Variants in AHCYL1 observed in about 807,000 individuals in gnomAD.
The protein encoded by AHCYL1 is adenosylhomocysteinase like 1, also known as S-adenosylhomocysteine hydrolase-like protein 1.
In AHCYL1, 20 loss-of-function variants were observed where a neutral mutation model predicts 79.3. That is an observed-to-expected ratio of 0.25 (90% CI 0.18 to 0.37). AHCYL1 has a LOEUF of 0.37. Among genes scored for constraint, AHCYL1 ranks in the 10% least tolerant of loss-of-function variants. The pLI, the probability that AHCYL1 is intolerant of heterozygous loss-of-function variation, is 1.00. For missense variants in AHCYL1, 330 were observed against 673.6 expected, an observed-to-expected ratio of 0.49 and a Z score of 5.65; for synonymous variants, 223 against 242.2, an observed-to-expected ratio of 0.92 and a Z score of 0.74.
At chr1:109,989,156 T>C (rs1649622728) in intron 1 of AHCYL1, among the ~76,000 whole-genome samples, 1 of 152,196 alleles carries the variant, frequency 6.6e-6, no homozygotes, top group African/African-American at 2.4e-5. Context: ...ATTGATTACA[T>C]CTCTTTTTCT....
chr1:109,987,906 T>C (rs1464653112), intron 1 of AHCYL1, among the ~76,000 whole-genome samples: 2 of 152,052 alleles, frequency 1.3e-5, no homozygotes, highest in East Asian at 3.9e-4. Flanking sequence ...TTGGAACAGG[T>C]GGAGATAGGG....
chr1:109,998,674 C>T (rs536227199), intron 1 of AHCYL1, among the ~76,000 whole-genome samples: 37 of 152,192 alleles, frequency 2.4e-4, no homozygotes, highest in East Asian at 3.9e-4. Flanking sequence ...GATGAGGTTT[C>T]GCCATGTTGG....
chr1:109,996,405 T>C (rs990605654), intron 1 of AHCYL1, among the ~76,000 whole-genome samples: 1 of 152,240 alleles, frequency 6.6e-6, no homozygotes, highest in Non-Finnish European at 1.5e-5. Flanking sequence ...TCCCAGGGCC[T>C]GTGCTAGGCA....
intron 3 of AHCYL1, 82 bp downstream of exon 3, chr1:110,011,439 A>G: frequency 6.4e-7 from 1 of 1,564,034 alleles, no homozygotes. Flanking sequence ...AAGACTTGAA[A>G]GCTGACTTGA....
intron 1 of AHCYL1, among the ~76,000 whole-genome samples, chr1:110,007,559 T>A (rs74117314): frequency 0.012 from 1,862 of 152,230 alleles, 41 homozygotes; most frequent in African/African-American, 0.042. Context: ...AGCTGAAGGG[T>A]ACATGTGAAA....
chr1:109,999,587 A>C (rs1348278310), intron 1 of AHCYL1, among the ~76,000 whole-genome samples: 3 of 152,200 alleles, frequency 2.0e-5, no homozygotes, highest in Admixed American at 6.5e-5. Flanking sequence ...CAGTAATCAG[A>C]TATCATGTTA....
At chr1:110,015,778 G>C (rs928314075) in intron 7 of AHCYL1, among the ~76,000 whole-genome samples, 3 of 152,066 alleles carry the variant, frequency 2.0e-5, no homozygotes, top group African/African-American at 7.2e-5. Context: ...TTGAGGGGCG[G>C]GTAGGGAATA....
Position 110,018,401 on chromosome 1 carries a change from C to T in AHCYL1, c.1152C>T (p.His384=), listed in dbSNP as rs779827868. Residue 384 remains histidine (H), a synonymous_variant, in exon 12 of 17, where the codon CAC becomes CAT. Coordinates refer to ENST00000369799, the MANE Select transcript of AHCYL1 (RefSeq NM_006621.7). ...TGNKNVVTRE[H]LDRMKNSCIV... The stretch of plus-strand genomic sequence containing the variant: ...ATAAGAATGTAGTGACACGGGAGCA[C>T]TTGGATCGCATGAAAAACAGTTGTA... 5 of 1,614,152 alleles carry T rather than the reference C, an allele frequency of 3.1e-6. No individual in the cohort carries two copies. The highest frequency in any genetic ancestry group is 4.2e-6 in the Non-Finnish European group (5 of 1,180,016).
chr1:110,014,462 A>C (rs1327405821), intron 5 of AHCYL1, among the ~76,000 whole-genome samples: 1 of 152,260 alleles, frequency 6.6e-6, no homozygotes, highest in Non-Finnish European at 1.5e-5. Context: ...ACTAATATCA[A>C]TAATGCTCCA....
At chr1:110,021,251 A>C (rs931274130) in intron 16 of AHCYL1, among the ~76,000 whole-genome samples, 2 of 152,014 alleles carry the variant, frequency 1.3e-5, no homozygotes, top group African/African-American at 2.4e-5. Context: ...AAAAACAAAC[A>C]AACAAACAAA....
At chr1:110,018,803 C>G in intron 13 of AHCYL1, 153 bp downstream of exon 13, 1 of 841,664 alleles carries the variant, frequency 1.2e-6, no homozygotes, top group South Asian at 1.8e-5. Flanking sequence ...CAAAATAAAA[C>G]CACTTTAAAA....
Position 110,021,743 on chromosome 1 carries a change from A to T in AHCYL1, c.*63A>T, listed in dbSNP as rs1651818074. 6.5e-7 allele frequency: 1 copy of T among 1,528,840 alleles called. No individual in the cohort carries two copies. The highest frequency in any genetic ancestry group is 8.9e-7 in the Non-Finnish European group (1 of 1,117,868). The allele number at this position is 1,528,840 out of a possible 1,614,324, so 94.7% of individuals were successfully genotyped here. Reference sequence around the variant, plus strand: ...ACACTCTAAAGAAATATTTTTTAAGATAACTTTTATTTTCTTCTTACTCCT... The same window carrying T: ...ACACTCTAAAGAAATATTTTTTAAGTTAACTTTTATTTTCTTCTTACTCCT... On this transcript the variant is annotated 3_prime_UTR_variant, in exon 17 of 17. Coordinates refer to ENST00000369799, the MANE Select transcript of AHCYL1 (RefSeq NM_006621.7).
rs1649675074 is a variant in AHCYL1, at chr1:109,990,116, C to A, written c.120+4944C>A. Among the ~76,000 whole-genome samples, 4 of 152,166 alleles carry A rather than the reference C, an allele frequency of 2.6e-5. No homozygotes were observed. The South Asian group carries it at 8.3e-4, about 32-fold the overall frequency. On this transcript the variant is annotated intron_variant, in intron 1 of 16. Transcript: ENST00000369799. ...TGTTGCTTGGCTGTTACATAAGACG[C>A]CTTTAACTTCCCGTTTCTGTTCCTA...
intron 6 of AHCYL1, among the ~76,000 whole-genome samples, chr1:110,015,115 C>A (rs113236183): frequency 5.3e-5 from 8 of 152,238 alleles, no homozygotes; most frequent in African/African-American, 1.9e-4. Context: ...ATTCTGCTTT[C>A]TTTCCTTCCT....
rs1650212020 is a variant in AHCYL1, at chr1:109,999,762, A to AT, written c.121-9267dup. 2.7e-5 allele frequency among the ~76,000 whole-genome samples: 4 copies of AT among 149,266 alleles called. No individual in the cohort carries two copies. The East Asian group carries it at 7.8e-4, about 29-fold the overall frequency. On this transcript the variant is annotated intron_variant, in intron 1 of 16. Transcript: ENST00000369799. ...TTAATACAACATTTATTTTATTTTTATTTTTATTTTTTGGAGACAGGGTCT... is the reference window on the plus strand; with the variant it reads ...TTAATACAACATTTATTTTATTTTTATTTTTTATTTTTTGGAGACAGGGTCT...
Position 110,012,399 on chromosome 1 carries a change from G to A in AHCYL1, c.414G>A (p.Gln138=), listed in dbSNP as rs764459829. ...TGATTTCACTCAGGAAACGTGCTCA[G>A]GGGGAGAAGCCCTTGGCTGGTGCTA... ...SALISLRKRA[Q]GEKPLAGAKI... Residue 138 remains glutamine (Q), a synonymous_variant, in exon 4 of 17, where the codon CAG becomes CAA. Transcript: ENST00000369799. 3 of 1,613,950 alleles carry A rather than the reference G, an allele frequency of 1.9e-6. No individual in the cohort carries two copies. Among genetic ancestry groups the A allele is most frequent in the Admixed American group, 3.3e-5 (2 of 60,030 alleles).
intron 1 of AHCYL1, chr1:110,000,804 G>T: frequency 3.6e-6 from 1 of 275,694 alleles, no homozygotes; most frequent in Non-Finnish European, 5.5e-6. Flanking sequence ...ATTGCCTTAA[G>T]CAAGTCACTT....
chr1:110,021,867 T>C lies in AHCYL1; in HGVS notation c.*187T>C. The C allele has an allele frequency of 1.8e-6, 1 of 569,592 alleles. No individual in the cohort carries two copies. The highest frequency in any genetic ancestry group is 3.0e-6 in the Non-Finnish European group (1 of 335,384). The allele number at this position is 569,592 out of a possible 1,614,324, so 35.3% of individuals were successfully genotyped here. A position where few individuals can be genotyped will look rare whatever the true frequency, so the allele number is the denominator to read the frequency against. Reference sequence around the variant, plus strand: ...GGAACTTGCTTCATGGCTCTTTAGATGAAATAGAAGTTCAGGGTTCCTCAC... The same window carrying C: ...GGAACTTGCTTCATGGCTCTTTAGACGAAATAGAAGTTCAGGGTTCCTCAC... On this transcript the variant is annotated 3_prime_UTR_variant, in exon 17 of 17. Coordinates refer to ENST00000369799, the MANE Select transcript of AHCYL1 (RefSeq NM_006621.7).
intron 1 of AHCYL1, 35 bp downstream of exon 1, chr1:109,985,207 C>T (rs955154926): frequency 6.3e-7 from 1 of 1,586,550 alleles, no homozygotes; most frequent in Non-Finnish European, 8.6e-7. Context: ...GGGGCTCGGG[C>T]TCCGGCCTCG....
Sources: gnomAD v4.1 joint callset for allele counts (sites outside exome capture counted in the v4.1 genomes callset) on GRCh38, gnomAD v4.1.1 for gene constraint, MANE v1.5 for transcripts, NCBI Gene and HGNC (gene_info 2026-07-23, HGNC 2026-07-21) for gene names.